The following UBXN8 variants were observed in gnomAD, a reference collection of about 807,000 sequenced individuals.
UBXN8 encodes UBX domain protein 8, also known as UBX domain-containing protein 8.
In UBXN8, 27 loss-of-function variants were observed where a neutral mutation model predicts 32.1. That is an observed-to-expected ratio of 0.84 (90% CI 0.62 to 1.16). The LOEUF (loss-of-function observed/expected upper bound fraction) is 1.16. Ranked by LOEUF, UBXN8 falls within the 50% of genes most tolerant of loss-of-function variation. The probability of loss-of-function intolerance (pLI) is 0.00; values close to 1 mark genes in which losing one functional copy is unlikely to be tolerated. For missense variants in UBXN8, 306 were observed against 311.4 expected (o/e 0.98, Z 0.13); for synonymous variants, 109 against 111.8 (o/e 0.98, Z 0.16).
At position 30,747,461 on chromosome 8, in the gene UBXN8, C is replaced by T. The variant is rs1393067744; in HGVS notation, c.88+3184C>T. ...AACTAGCTGGGATTACTGGTGTGCA[C>T]CACTGTGCCTGGCTAATGTTTGTAT... On this transcript the variant is annotated intron_variant, in intron 1 of 7. Coordinates refer to ENST00000265616, the MANE Select transcript of UBXN8 (RefSeq NM_005671.4). Among the ~76,000 whole-genome samples the T allele has an allele frequency of 3.6e-5, 5 of 139,460 alleles. 2 individuals are homozygous for T. Among genetic ancestry groups the T allele is most frequent in the Admixed American group, 1.4e-4 (2 of 13,850 alleles). 91.5% of individuals were successfully genotyped at this position (139,460 alleles called of 152,430 possible).
intron 5 of UBXN8, among the ~76,000 whole-genome samples, chr8:30,758,273 A>G (rs930650945): frequency 6.6e-6 from 1 of 152,230 alleles, no homozygotes; most frequent in African/African-American, 2.4e-5. Flanking sequence ...AAGCATTCCT[A>G]TTAACTTAAG....
chr8:30,753,298 C>G (rs1336816694), intron 3 of UBXN8, among the ~76,000 whole-genome samples, 193 bp downstream of exon 3: 3 of 152,128 alleles, frequency 2.0e-5, no homozygotes, highest in African/African-American at 7.2e-5. Context: ...GCTGTGTCAC[C>G]TAGGCTGGAA....
In UBXN8 at chr8:30,756,746, G is replaced by T; in HGVS notation, c.406-19G>T. ...GATAGAAAACATCTCTTTAGAAATT[G>T]TCTGTTGTGTTTGACCAGGGTGATG... is the stretch of plus-strand genomic sequence containing the variant. On this transcript the variant is annotated intron_variant, in intron 4 of 7. Transcript: ENST00000265616. 6.2e-7 allele frequency: 1 copy of T among 1,613,768 alleles called. No individual in the cohort carries two copies. Among genetic ancestry groups the T allele is most frequent in the Non-Finnish European group, 8.5e-7 (1 of 1,179,762 alleles).
At position 30,766,497 on chromosome 8, in the gene UBXN8, C is replaced by T; in HGVS notation, c.*103C>T. The T allele has an allele frequency of 8.1e-7, 1 of 1,233,032 alleles. No individual in the cohort carries two copies. The highest frequency in any genetic ancestry group is 1.8e-5 in the South Asian group (1 of 54,764). The allele number at this position is 1,233,032 out of a possible 1,614,324, so 76.4% of individuals were successfully genotyped here. A position where few individuals can be genotyped will look rare whatever the true frequency, so the allele number is the denominator to read the frequency against. On this transcript the variant is annotated 3_prime_UTR_variant, in exon 8 of 8. Transcript: ENST00000265616. Reference sequence around the variant, plus strand: ...AATCACACTATACCTTGATTGAGCTCATGGCAGTAAACTTTGAACATTGAT... The same window carrying T: ...AATCACACTATACCTTGATTGAGCTTATGGCAGTAAACTTTGAACATTGAT...
At chr8:30,742,488 G>T (rs3757919), upstream of UBXN8, among the ~76,000 whole-genome samples, 112 of 152,066 alleles carry the variant, frequency 7.4e-4, no homozygotes, top group African/African-American at 2.6e-3. Context: ...GTAGCTGGGA[G>T]CACAGGCTAC....
intron 1 of UBXN8, among the ~76,000 whole-genome samples, chr8:30,735,403 C>T (rs1563554276): frequency 6.7e-6 from 1 of 150,074 alleles, no homozygotes; most frequent in African/African-American, 2.5e-5. Context: ...CTACTAAATA[C>T]AAAAATTAGC....
At chr8:30,763,131 C>A (rs1805902519) in intron 6 of UBXN8, 142 bp from the exon 7 acceptor site, 3 of 787,014 alleles carry the variant, frequency 3.8e-6, no homozygotes, top group Non-Finnish European at 6.1e-6. Context: ...CAGGCGTGAG[C>A]CACCACCATG....
upstream of UBXN8, among the ~76,000 whole-genome samples, chr8:30,740,290 T>C (rs996959609): frequency 2.7e-5 from 4 of 150,628 alleles, no homozygotes; most frequent in Non-Finnish European, 4.4e-5. Flanking sequence ...TCATTGTGTT[T>C]AATGATATGC....
At chr8:30,741,103 C>A (rs73583340), upstream of UBXN8, among the ~76,000 whole-genome samples, 5,239 of 152,040 alleles carry the variant, frequency 0.034, 274 homozygotes, top group African/African-American at 0.12. Context: ...CACCTTAAAC[C>A]ACTCTAACTA....
chr8:30,746,771 G>T (rs1423100697), intron 1 of UBXN8, among the ~76,000 whole-genome samples: 1 of 138,822 alleles, frequency 7.2e-6, no homozygotes. Context: ...TGATCCACCC[G>T]CCTCGGCCTC....
At chr8:30,751,297 T>C (rs2128754210) in intron 1 of UBXN8, 99 bp from the exon 2 acceptor site, 1 of 1,007,622 alleles carries the variant, frequency 9.9e-7, no homozygotes, top group East Asian at 2.7e-5. Flanking sequence ...GAGGATCACG[T>C]GAGCTCAGGA....
intron 6 of UBXN8, chr8:30,763,056 G>T: frequency 1.9e-6 from 1 of 522,400 alleles, no homozygotes; most frequent in Non-Finnish European, 3.4e-6. Context: ...TTTATGGCGG[G>T]GGGTGTCTCA....
chr8:30,755,760 GAAAA>G (rs34287599), intron 4 of UBXN8, among the ~76,000 whole-genome samples: 1 of 88,920 alleles, frequency 1.1e-5, no homozygotes, highest in African/African-American at 5.2e-5. Context: ...CCTTTCTCCA[GAAAA>G]AAAAAAAAAA....
intron 5 of UBXN8, among the ~76,000 whole-genome samples, chr8:30,758,106 C>T (rs1249261942): frequency 6.6e-6 from 1 of 152,026 alleles, no homozygotes; most frequent in Non-Finnish European, 1.5e-5. Context: ...CCATGTTAGC[C>T]AGGATGGTCT....
chr8:30,758,812 T>C (rs1033123435), intron 5 of UBXN8, among the ~76,000 whole-genome samples: 4 of 151,484 alleles, frequency 2.6e-5, no homozygotes, highest in African/African-American at 9.7e-5. Context: ...TTAAATGTTA[T>C]AAAATATACT....
chr8:30,740,076 A>T (rs1175776973), upstream of UBXN8, among the ~76,000 whole-genome samples: 9 of 146,668 alleles, frequency 6.1e-5, no homozygotes, highest in South Asian at 8.9e-4. Context: ...TAATTAAAAA[A>T]TGTGTTTTTT....
intron 7 of UBXN8, among the ~76,000 whole-genome samples, chr8:30,765,510 A>G (rs1314091786): frequency 1.4e-5 from 2 of 144,624 alleles, no homozygotes; most frequent in African/African-American, 2.6e-5. Flanking sequence ...CTGTGCCATT[A>G]TATGTTTCGG....
At chr8:30,752,075 A>G (rs1218131930) in intron 2 of UBXN8, among the ~76,000 whole-genome samples, 1 of 151,794 alleles carries the variant, frequency 6.6e-6, no homozygotes, top group Non-Finnish European at 1.5e-5. Context: ...TATTTTTTGT[A>G]GAGACAGGGT....
At chr8:30,748,500 A>G (rs1180733901) in intron 1 of UBXN8, among the ~76,000 whole-genome samples, 1 of 150,670 alleles carries the variant, frequency 6.6e-6, no homozygotes, top group African/African-American at 2.4e-5. Flanking sequence ...ATATACATCT[A>G]TCTGTTTTCA....
Sources: gnomAD v4.1 joint callset for allele counts (sites outside exome capture counted in the v4.1 genomes callset) on GRCh38, gnomAD v4.1.1 for gene constraint, MANE v1.5 for transcripts, NCBI Gene and HGNC (gene_info 2026-07-23, HGNC 2026-07-21) for gene names.